Variants in ARHGAP15 observed in about 807,000 individuals in gnomAD.
The protein encoded by ARHGAP15 is Rho GTPase activating protein 15.
In ARHGAP15, 51 loss-of-function variants were observed where a neutral mutation model predicts 63.7. The ratio of observed to expected loss-of-function variants is 0.80; its 90% confidence interval spans 0.64 to 1.01. The LOEUF is 1.01. Among genes scored for constraint, ARHGAP15 ranks in the 50% least tolerant of loss-of-function variants. The pLI, the probability that ARHGAP15 is intolerant of heterozygous loss-of-function variation, is 0.00. For synonymous variants in ARHGAP15, 191 were observed against 193.8 expected (o/e 0.99, Z 0.12); for missense variants, 560 against 564.6 (o/e 0.99, Z 0.08).
intron 6 of ARHGAP15, among the ~76,000 whole-genome samples, chr2:143,291,224 T>A (rs1266801554): frequency 2.0e-5 from 3 of 152,176 alleles, no homozygotes; most frequent in Non-Finnish European, 4.4e-5. Context: ...TCAATGCACT[T>A]GCAAAATGTA....
At chr2:143,351,619 A>G (rs1253470065) in intron 6 of ARHGAP15, among the ~76,000 whole-genome samples, 1 of 152,138 alleles carries the variant, frequency 6.6e-6, no homozygotes, top group Non-Finnish European at 1.5e-5. Flanking sequence ...GGGATAGGCG[A>G]TGTCTATGGT....
chr2:143,610,969 T>G (rs900489888), intron 11 of ARHGAP15, among the ~76,000 whole-genome samples: 2 of 152,106 alleles, frequency 1.3e-5, no homozygotes, highest in Admixed American at 6.6e-5. Flanking sequence ...CCTCAAGTGA[T>G]CCAACCACCT....
At chr2:143,653,254 A>G (rs1681263944) in intron 12 of ARHGAP15, among the ~76,000 whole-genome samples, 1 of 152,050 alleles carries the variant, frequency 6.6e-6, no homozygotes, top group Non-Finnish European at 1.5e-5. Flanking sequence ...TTCATTTTTG[A>G]GTTTCATTAA....
Position 143,336,698 on chromosome 2 carries a change from G to A in ARHGAP15, c.474+86098G>A, listed in dbSNP as rs190330270. 5.6e-4 allele frequency among the ~76,000 whole-genome samples: 85 copies of A among 152,212 alleles called. 1 individual carries two copies. The highest frequency in any genetic ancestry group is 6.8e-3 in the Middle Eastern group (2 of 294). The stretch of plus-strand genomic sequence containing the variant: ...TAGCTCCCTTCTTTCCCAGGCCCAG[G>A]TATGCCCTAGGAGAGGAGGCAGAGT... On this transcript the variant is annotated intron_variant, in intron 6 of 13. Transcript: ENST00000295095.
Position 143,129,855 on chromosome 2 carries a change from A to C in ARHGAP15, c.-15+389A>C, listed in dbSNP as rs143668684. Reference sequence around the variant, plus strand: ...TCAACATCCAGATAAGGAAAGAGAAAAGGGTATAACAATGAGAAATAGCTT... The same window carrying C: ...TCAACATCCAGATAAGGAAAGAGAACAGGGTATAACAATGAGAAATAGCTT... On this transcript the variant is annotated intron_variant, in intron 1 of 13. Coordinates refer to ENST00000295095, the MANE Select transcript of ARHGAP15 (RefSeq NM_018460.4). 6.9e-3 allele frequency among the ~76,000 whole-genome samples: 1,054 copies of C among 152,286 alleles called. 14 individuals carry two copies. The highest frequency in any genetic ancestry group is 0.024 in the African/African-American group (977 of 41,574).
chr2:143,663,805 A>C (rs1681979787), intron 12 of ARHGAP15, among the ~76,000 whole-genome samples: 1 of 152,162 alleles, frequency 6.6e-6, no homozygotes, highest in African/African-American at 2.4e-5. Flanking sequence ...AACAAAGATC[A>C]AAAGGGACAA....
At chr2:143,421,172 G>T (rs1429761744) in intron 6 of ARHGAP15, among the ~76,000 whole-genome samples, 2 of 151,982 alleles carry the variant, frequency 1.3e-5, no homozygotes. Context: ...CTTGCTTTAA[G>T]GTATATTTAG....
Position 143,487,401 on chromosome 2 carries a change from T to C in ARHGAP15, c.732T>C (p.Asp244=). ...LMFRLHHSAS[D]TSDKNRVKSR... ...TCAGACTGCATCACAGTGCTTCCGA[T>C]ACAAGCGACAAAAATCGAGTTAAAA... Residue 244 remains aspartate, a synonymous_variant, in exon 9 of 14, where the codon GAT becomes GAC. Coordinates refer to ENST00000295095, the MANE Select transcript of ARHGAP15 (RefSeq NM_018460.4). 3.1e-6 allele frequency: 5 copies of C among 1,613,822 alleles called. No individual in the cohort carries two copies. The highest frequency in any genetic ancestry group is 4.2e-6 in the Non-Finnish European group (5 of 1,179,872).
chr2:143,644,977 T>C (rs1280227498), intron 12 of ARHGAP15, among the ~76,000 whole-genome samples: 1 of 152,228 alleles, frequency 6.6e-6, no homozygotes. Flanking sequence ...CCCACTGCCA[T>C]ATAATTGCGA....
intron 13 of ARHGAP15, among the ~76,000 whole-genome samples, chr2:143,740,640 G>T (rs757601827): frequency 1.3e-5 from 2 of 152,162 alleles, no homozygotes; most frequent in Admixed American, 6.5e-5. Flanking sequence ...AACGAGATCC[G>T]CCAGGTCTGT....
chr2:143,255,591 T>C (rs931478245), intron 6 of ARHGAP15, among the ~76,000 whole-genome samples: 3 of 151,650 alleles, frequency 2.0e-5, no homozygotes, highest in African/African-American at 4.8e-5. Context: ...AGTTTATTAA[T>C]GTGAAGATAA....
At chr2:143,426,935 G>A (rs2105067351) in intron 6 of ARHGAP15, among the ~76,000 whole-genome samples, 1 of 152,222 alleles carries the variant, frequency 6.6e-6, no homozygotes. Flanking sequence ...GTTTTTCACT[G>A]AAACCTGGAG....
intron 6 of ARHGAP15, 28 bp downstream of exon 6, chr2:143,250,628 T>C: frequency 6.4e-7 from 1 of 1,570,240 alleles, no homozygotes; most frequent in Non-Finnish European, 8.8e-7. Context: ...ATTCAATTTA[T>C]TCCTATTCTC....
intron 2 of ARHGAP15, among the ~76,000 whole-genome samples, chr2:143,164,830 A>G (rs62171672): frequency 0.041 from 6,158 of 151,894 alleles, 171 homozygotes; most frequent in Middle Eastern, 0.14. Flanking sequence ...GCAGTTTTCC[A>G]TGTGCAAAAA....
At chr2:143,238,832 G>A (rs1693754447) in intron 5 of ARHGAP15, among the ~76,000 whole-genome samples, 1 of 152,126 alleles carries the variant, frequency 6.6e-6, no homozygotes, top group Non-Finnish European at 1.5e-5. Context: ...AGAAAATGTG[G>A]TACATATAGA....
At chr2:143,148,055 C>A (rs2104998026) in intron 1 of ARHGAP15, among the ~76,000 whole-genome samples, 1 of 152,116 alleles carries the variant, frequency 6.6e-6, no homozygotes, top group Non-Finnish European at 1.5e-5. Context: ...TAACCAGGTT[C>A]TCCTAAGGCA....
At chr2:143,745,861 C>T (rs1686143586) in intron 13 of ARHGAP15, among the ~76,000 whole-genome samples, 1 of 152,172 alleles carries the variant, frequency 6.6e-6, no homozygotes, top group South Asian at 2.1e-4. Context: ...CTGAGCAAGG[C>T]TAAGTGAGTG....
intron 6 of ARHGAP15, among the ~76,000 whole-genome samples, chr2:143,416,358 C>G (rs923943565): frequency 5.9e-5 from 9 of 152,168 alleles, no homozygotes; most frequent in Non-Finnish European, 1.3e-4. Context: ...ATAGCACTTT[C>G]TCTTTGCCAA....
intron 10 of ARHGAP15, among the ~76,000 whole-genome samples, chr2:143,525,848 A>T (rs1694247925): frequency 6.6e-6 from 1 of 152,164 alleles, no homozygotes; most frequent in Non-Finnish European, 1.5e-5. Flanking sequence ...AGACAACCAA[A>T]AGAAATCAGA....
Sources: allele counts gnomAD v4.1 joint callset (sites outside exome capture counted in the v4.1 genomes callset), GRCh38; gene constraint gnomAD v4.1.1; transcripts MANE v1.5; gene names NCBI Gene and HGNC (gene_info 2026-07-23, HGNC 2026-07-21).